ERICH6B: variants seen among roughly 807,000 people sequenced by gnomAD.
ERICH6B encodes the protein glutamate-rich protein 6B.
In ERICH6B, 69 loss-of-function variants were observed where a neutral mutation model predicts 80.0. That is an observed-to-expected ratio of 0.86 (90% CI 0.71 to 1.05). The LOEUF is 1.05. ERICH6B is among the 50% of genes least tolerant of loss of function. ERICH6B has a pLI of 0.00. For synonymous variants in ERICH6B, 283 were observed against 291.9 expected, an observed-to-expected ratio of 0.97 and a Z score of 0.31; for missense variants, 754 against 796.1, an observed-to-expected ratio of 0.95 and a Z score of 0.64.
At chr13:45,586,955 G>A in intron 5 of ERICH6B, 108 bp downstream of exon 5, 3 of 1,175,616 alleles carry the variant, frequency 2.6e-6, no homozygotes, top group Non-Finnish European at 3.5e-6. Context: ...GATATCATTA[G>A]CATGAAAGGC....
intron 4 of ERICH6B, among the ~76,000 whole-genome samples, chr13:45,588,514 A>G (rs1294493640): frequency 3.9e-5 from 6 of 152,034 alleles, no homozygotes; most frequent in South Asian, 2.1e-4. Context: ...CCAGGTGAGG[A>G]GACTCTCTAG....
chr13:45,563,897 G>A, intron 9 of ERICH6B, 109 bp from the exon 10 acceptor site: 1 of 892,496 alleles, frequency 1.1e-6, no homozygotes, highest in Non-Finnish European at 1.7e-6. Flanking sequence ...TTCGCAGGTG[G>A]AAATGGGGCC....
At chr13:45,547,618 A>G (rs1874043717) in intron 13 of ERICH6B, among the ~76,000 whole-genome samples, 1 of 152,224 alleles carries the variant, frequency 6.6e-6, no homozygotes, top group African/African-American at 2.4e-5. Context: ...GCCACCGTGC[A>G]AGCACTAGAA....
intron 2 of ERICH6B, among the ~76,000 whole-genome samples, chr13:45,603,772 C>G (rs1336043756): frequency 2.6e-5 from 4 of 152,130 alleles, no homozygotes; most frequent in Non-Finnish European, 4.4e-5. Context: ...CCCTTTGTCC[C>G]CAGAGCACCT....
chr13:45,544,937 G>A lies in ERICH6B; in HGVS notation c.1695C>T (p.Arg565=), dbSNP rs1253353726. The change falls in exon 14 of 15, where the codon CGC becomes CGT. Residue 565 remains arginine (R), a synonymous_variant. Coordinates refer to ENST00000298738, the MANE Select transcript of ERICH6B (RefSeq NM_182542.3). ...NLGYYFPKDK[R]QKAWNWWNLN... ...GATTCCACCAGTTCCAGGCCTTCTG[G>A]CGTTTGTCTTTGGGGAAGTAGTAGC... 1 of 1,551,618 alleles carries A rather than the reference G, an allele frequency of 6.4e-7. No homozygotes were observed. The highest frequency in any genetic ancestry group is 1.2e-5 in the South Asian group (1 of 84,054).
intron 11 of ERICH6B, among the ~76,000 whole-genome samples, chr13:45,558,277 C>T (rs893801398): frequency 1.2e-4 from 18 of 152,134 alleles, no homozygotes; most frequent in Admixed American, 4.6e-4. Flanking sequence ...GATTTGTGTA[C>T]ACTAATTTTG....
intron 10 of ERICH6B, among the ~76,000 whole-genome samples, chr13:45,562,066 AT>A (rs1311679964): frequency 1.3e-4 from 20 of 152,060 alleles, no homozygotes; most frequent in African/African-American, 2.2e-4. Flanking sequence ...CCAATGACTG[AT>A]TGACTGATTG....
Position 45,549,477 on chromosome 13 carries a change from A to G in ERICH6B, c.1646+416T>C, listed in dbSNP as rs1382248018. ...GGGAACTTAAGAACTAACTTCAGTT[A>G]TAGTGAAATATTTAGAAGTCACGTT... On this transcript the variant is annotated intron_variant, in intron 13 of 14. Coordinates refer to ENST00000298738, the MANE Select transcript of ERICH6B (RefSeq NM_182542.3). 2.0e-5 allele frequency among the ~76,000 whole-genome samples: 3 copies of G among 152,330 alleles called. No homozygotes were observed. In the East Asian group the frequency reaches 5.8e-4, roughly 29 times the overall value.
chr13:45,593,244 C>T (rs1217890649), intron 3 of ERICH6B, among the ~76,000 whole-genome samples: 1 of 152,148 alleles, frequency 6.6e-6, no homozygotes, highest in Non-Finnish European at 1.5e-5. Context: ...CTATGGGAAT[C>T]TCTGAAGTTG....
chr13:45,572,442 T>C (rs994804333), intron 8 of ERICH6B, among the ~76,000 whole-genome samples: 1 of 152,204 alleles, frequency 6.6e-6, no homozygotes, highest in Non-Finnish European at 1.5e-5. Flanking sequence ...TTGGGGGCTT[T>C]GGCTAGATCT....
At chr13:45,558,279 C>T (rs1874520157) in intron 11 of ERICH6B, among the ~76,000 whole-genome samples, 1 of 152,112 alleles carries the variant, frequency 6.6e-6, no homozygotes, top group South Asian at 2.1e-4. Context: ...TTTGTGTACA[C>T]TAATTTTGTA....
chr13:45,601,254 A>G (rs1000667644), intron 2 of ERICH6B, among the ~76,000 whole-genome samples: 10 of 152,154 alleles, frequency 6.6e-5, no homozygotes, highest in Non-Finnish European at 1.0e-4. Flanking sequence ...GTTCATGAGT[A>G]AAATATATTT....
At chr13:45,561,155 C>A (rs544173497) in intron 11 of ERICH6B, among the ~76,000 whole-genome samples, 9 of 152,260 alleles carry the variant, frequency 5.9e-5, no homozygotes, top group East Asian at 1.9e-4. Flanking sequence ...CTAATAGAGA[C>A]CCTGCAGGCA....
In ERICH6B at chr13:45,596,490, C is replaced by T. The variant is rs761617319; in HGVS notation, c.516G>A (p.Lys172=). Residue 172 remains lysine (K), a synonymous_variant, in exon 3 of 15, where the codon AAG becomes AAA. Transcript: ENST00000298738. ...CCTTTTCCTCTTCTAGATATGATTT[C>T]TTCCCCAGATACTCCTCCTCCTCCA... is the stretch of plus-strand genomic sequence containing the variant. ...AYLEEEEYLG[K]KSYLEEEKAL... The T allele has an allele frequency of 1.2e-5, 19 of 1,551,144 alleles. No homozygotes were observed. The highest frequency in any genetic ancestry group is 2.7e-5 in the African/African-American group (2 of 72,960).
chr13:45,580,710 A>C, intron 5 of ERICH6B, 45 bp from the exon 6 acceptor site: 1 of 1,542,152 alleles, frequency 6.5e-7, no homozygotes, highest in Non-Finnish European at 8.8e-7. Flanking sequence ...TTTAAACCTT[A>C]CATTTTCCAG....
intron 8 of ERICH6B, among the ~76,000 whole-genome samples, chr13:45,572,125 G>T (rs1012301920): frequency 2.0e-5 from 3 of 152,148 alleles, no homozygotes; most frequent in Admixed American, 2.0e-4. Flanking sequence ...ACTTTATCTG[G>T]ATATCTCATA....
At chr13:45,590,766 T>A in intron 3 of ERICH6B, 69 bp from the exon 4 acceptor site, 1 of 1,386,850 alleles carries the variant, frequency 7.2e-7, no homozygotes, top group Non-Finnish European at 9.9e-7. Flanking sequence ...AAAAATACGT[T>A]GTTAAGTACG....
intron 1 of ERICH6B, among the ~76,000 whole-genome samples, chr13:45,611,901 C>G (rs1949901980): frequency 6.6e-6 from 1 of 152,346 alleles, no homozygotes; most frequent in Non-Finnish European, 1.5e-5. Context: ...TAAATCTTCT[C>G]TTGGGTTTCC....
intron 11 of ERICH6B, among the ~76,000 whole-genome samples, chr13:45,555,737 A>C (rs1183101700): frequency 5.3e-5 from 8 of 152,106 alleles, no homozygotes; most frequent in Non-Finnish European, 1.0e-4. Context: ...TACAAGGCTC[A>C]AAATAGACAT....
Sources: allele counts gnomAD v4.1 joint callset (sites outside exome capture counted in the v4.1 genomes callset), GRCh38; gene constraint gnomAD v4.1.1; transcripts MANE v1.5; gene names NCBI Gene and HGNC (gene_info 2026-07-23, HGNC 2026-07-21).